The following STAT5A variants were observed in gnomAD, a reference collection of about 807,000 sequenced individuals.
STAT5A encodes the protein signal transducer and activator of transcription 5A.
Under a neutral mutation model 100.2 loss-of-function variants are expected in STAT5A, and 26 were observed. That is an observed-to-expected ratio of 0.26 (90% CI 0.19 to 0.36). STAT5A has a LOEUF of 0.36. STAT5A is among the 10% of genes least tolerant of loss of function. The probability of loss-of-function intolerance (pLI) is 1.00; values close to 1 mark genes in which losing one functional copy is unlikely to be tolerated. For synonymous variants in STAT5A, 330 were observed against 424.3 expected (o/e 0.78, Z 2.73); for missense variants, 634 against 1,027.5 (o/e 0.62, Z 5.24).
chr17:42,299,360 G>A (rs1309790230), intron 5 of STAT5A, among the ~76,000 whole-genome samples: 1 of 152,226 alleles, frequency 6.6e-6, no homozygotes, highest in Non-Finnish European at 1.5e-5. Flanking sequence ...CACAGGAAAG[G>A]AAAGCGATTT....
At chr17:42,305,524 A>G (rs2081019961) in intron 11 of STAT5A, 86 bp from the exon 12 acceptor site, 1 of 1,149,028 alleles carries the variant, frequency 8.7e-7, no homozygotes, top group Non-Finnish European at 1.3e-6. Context: ...TACATAAAAA[A>G]AAATAAAGCA....
Position 42,309,445 on chromosome 17 carries a change from C to A in STAT5A, c.2183C>A (p.Ala728Asp). The A allele has an allele frequency of 6.2e-7, 1 of 1,613,988 alleles. No homozygotes were observed. Among genetic ancestry groups the A allele is most frequent in the Non-Finnish European group, 8.5e-7 (1 of 1,179,994 alleles). Reference protein sequence around the residue: ...ATYMDQAPSPAVCPQAPYNMY... With the variant: ...ATYMDQAPSPDVCPQAPYNMY... ...TACATGGACCAGGCCCCCTCCCCAG[C>A]TGTGTGCCCCCAGGCTCCCTATAAC... is the stretch of plus-strand genomic sequence containing the variant. The change falls in exon 18 of 19, where the codon GCT becomes GAT. Residue 728 changes from alanine (A) to aspartate (D), a missense_variant. Physicochemically the swap from Ala to Asp is moderately radical, Grantham distance 126 (BLOSUM62 -2). Coordinates refer to ENST00000590949, the MANE Select transcript of STAT5A (RefSeq NM_001288718.2).
At chr17:42,290,987 C>G (rs1487120281) in intron 3 of STAT5A, among the ~76,000 whole-genome samples, 1 of 152,130 alleles carries the variant, frequency 6.6e-6, no homozygotes, top group Non-Finnish European at 1.5e-5. Flanking sequence ...CACTTTATTT[C>G]TATTGTTATT....
At chr17:42,300,926 G>A (rs2144533513) in intron 8 of STAT5A, 56 bp downstream of exon 8, 1 of 1,609,750 alleles carries the variant, frequency 6.2e-7, no homozygotes, top group East Asian at 2.2e-5. Context: ...TGCCTGCGTG[G>A]GGGGAGCTGC....
In STAT5A at chr17:42,304,330, T is replaced by C; in HGVS notation, c.1170-12T>C. The C allele has an allele frequency of 6.2e-7, 1 of 1,613,828 alleles. No homozygotes were observed. The highest frequency in any genetic ancestry group is 8.5e-7 in the Non-Finnish European group (1 of 1,179,840). Reference sequence around the variant, plus strand: ...GGCCCATGTGGAGCTGGGACCCCCCTCTCCTTTGCAGCGAGTGCAGTGGTG... The same window carrying C: ...GGCCCATGTGGAGCTGGGACCCCCCCCTCCTTTGCAGCGAGTGCAGTGGTG... On this transcript the variant is annotated splice_polypyrimidine_tract_variant and intron_variant, in intron 9 of 18. Coordinates refer to ENST00000590949, the MANE Select transcript of STAT5A (RefSeq NM_001288718.2). This position sits in a 1 kb window ranked among gnomAD's most constrained non-coding sequence, Gnocchi z 4.8.
intron 3 of STAT5A, chr17:42,290,236 C>T: frequency 1.7e-6 from 1 of 592,568 alleles, no homozygotes. Context: ...GTGTTTGTTG[C>T]CAACAGAGAG....
intron 17 of STAT5A, 132 bp from the exon 18 acceptor site, chr17:42,309,245 G>A: frequency 6.5e-7 from 1 of 1,542,128 alleles, no homozygotes; most frequent in Non-Finnish European, 8.9e-7. Flanking sequence ...CCTGTAGCTG[G>A]AGCCCCAGGG....
At chr17:42,295,940 C>A in intron 5 of STAT5A, 147 bp downstream of exon 5, 3 of 1,212,434 alleles carry the variant, frequency 2.5e-6, no homozygotes, top group South Asian at 2.7e-5. Context: ...GTGATTGAGC[C>A]CCTGCCGTGG....
At chr17:42,306,963 G>A (rs1461799723) in intron 13 of STAT5A, among the ~76,000 whole-genome samples, 2 of 151,920 alleles carry the variant, frequency 1.3e-5, no homozygotes, top group African/African-American at 4.8e-5. Context: ...CAGGTGATCC[G>A]CCCACCTCGG....
At chr17:42,290,112 G>T in intron 3 of STAT5A, 90 bp downstream of exon 3, 2 of 1,428,528 alleles carry the variant, frequency 1.4e-6, no homozygotes, top group South Asian at 3.1e-5. Flanking sequence ...CCTGGCCACT[G>T]ACTCACCATG....
chr17:42,287,728 G>C (rs1189753582), upstream of STAT5A: 3 of 152,300 alleles, frequency 2.0e-5, no homozygotes, highest in Non-Finnish European at 4.4e-5. Context: ...CGTGCCTACT[G>C]TGTGGCCCTG....
At chr17:42,299,682 G>A in intron 5 of STAT5A, 69 bp from the exon 6 acceptor site, 15 of 1,612,016 alleles carry the variant, frequency 9.3e-6, no homozygotes, top group Non-Finnish European at 1.3e-5. Flanking sequence ...GAACAGGTGA[G>A]TGGGCTTCTC....
At chr17:42,291,255 C>G (rs183844213) in intron 3 of STAT5A, among the ~76,000 whole-genome samples, 1 of 152,206 alleles carries the variant, frequency 6.6e-6, no homozygotes, top group Non-Finnish European at 1.5e-5. Flanking sequence ...GGCTGTAATG[C>G]GAGCAATAGG....
chr17:42,301,251 T>TGTC (rs765742713), intron 8 of STAT5A, 24 bp from the exon 9 acceptor site: 18 of 1,607,926 alleles, frequency 1.1e-5, no homozygotes, highest in Non-Finnish European at 9.4e-6. Flanking sequence ...CCTCATCGTG[T>TGTC]GTCTGTCCCT....
In STAT5A at chr17:42,310,929, G is replaced by A; in HGVS notation, c.*260G>A. The A allele has an allele frequency of 1.8e-6, 1 of 544,136 alleles. No homozygotes were observed. The highest frequency in any genetic ancestry group is 3.2e-6 in the Non-Finnish European group (1 of 309,382). 33.7% of individuals were successfully genotyped at this position (544,136 alleles called of 1,614,324 possible). On this transcript the variant is annotated 3_prime_UTR_variant, in exon 19 of 19. Coordinates refer to ENST00000590949, the MANE Select transcript of STAT5A (RefSeq NM_001288718.2). ...CTGTCTCTGTCATGGTAGAGACCGA[G>A]CCTCTGTCACTGCAGGCACTCAATG...
chr17:42,307,428 C>T lies in STAT5A; in HGVS notation c.1707C>T (p.Thr569=), dbSNP rs752066753. The T allele has an allele frequency of 2.5e-5, 41 of 1,614,080 alleles. No individual in the cohort carries two copies. In the East Asian group the frequency reaches 9.1e-4, roughly 36 times the overall value. The change falls in exon 14 of 19, where the codon ACC becomes ACT. Residue 569 remains threonine (T), a synonymous_variant. Coordinates refer to ENST00000590949, the MANE Select transcript of STAT5A (RefSeq NM_001288718.2). ...NRENLPGWNY[T]FWQWFDGVME... ...AGAACTTGCCGGGCTGGAACTACAC[C>T]TTCTGGCAGTGGTTTGACGGGGTGA...
At chr17:42,299,927 C>T (rs1343766892) in intron 6 of STAT5A, 46 bp downstream of exon 6, 1 of 1,578,204 alleles carries the variant, frequency 6.3e-7, no homozygotes, top group Non-Finnish European at 8.6e-7. Context: ...GCCATGAAGT[C>T]AGTCTCTGGG....
rs757428787 is a variant in STAT5A, at chr17:42,304,677, C to A, written c.1380+25C>A. The A allele has an allele frequency of 2.5e-6, 4 of 1,612,986 alleles. No individual in the cohort carries two copies. Among genetic ancestry groups the A allele is most frequent in the Non-Finnish European group, 3.4e-6 (4 of 1,179,376 alleles). ...GGTGAGACCCCCAGCCCTCCTGCCC[C>A]CACTGCTCCAGGTCACCCAAGAGGT... On this transcript the variant is annotated intron_variant, in intron 11 of 18. Transcript: ENST00000590949. This position sits in a 1 kb window ranked among gnomAD's most constrained non-coding sequence, Gnocchi z 4.8.
At chr17:42,292,156 G>A (rs745746576) in intron 4 of STAT5A, 95 bp downstream of exon 4, 34 of 1,441,980 alleles carry the variant, frequency 2.4e-5, no homozygotes, top group Non-Finnish European at 2.6e-5. Context: ...ACAGCAGCAC[G>A]AGGAGAGCAC....
Sources: gnomAD v4.1 joint callset for allele counts (sites outside exome capture counted in the v4.1 genomes callset) on GRCh38, gnomAD v4.1.1 for gene constraint, Gnocchi (gnomAD v3.1) non-coding constraint, MANE v1.5 for transcripts, NCBI Gene and HGNC (gene_info 2026-07-23, HGNC 2026-07-21) for gene names.